Variants in UGT1A10 observed in about 807,000 individuals in gnomAD.
UGT1A10 encodes the protein UDP glucuronosyltransferase family 1 member A10, also known as UDP-glucuronosyltransferase 1A10.
UGT1A10 carries 49 observed loss-of-function variants against 45.8 expected under a neutral mutation model. The ratio of observed to expected loss-of-function variants is 1.07; its 90% CI spans 0.85 to 1.36. UGT1A10 has a LOEUF of 1.36. Ranked by LOEUF, UGT1A10 falls within the 40% of genes most tolerant of loss-of-function variation. The pLI, the probability that UGT1A10 is intolerant of heterozygous loss-of-function variation, is 0.00. For synonymous variants in UGT1A10, 284 were observed against 249.7 expected (o/e 1.14, Z -1.29); for missense variants, 745 against 668.6 (o/e 1.11, Z -1.26).
chr2:233,672,109 A>C (rs199829358), intron 1 of UGT1A10: 199 of 1,614,054 alleles, frequency 1.2e-4, no homozygotes, highest in South Asian at 1.6e-4. Flanking sequence ...GGTTGTAGTC[A>C]TGCCAGAGGT....
rs760019185 is a variant in UGT1A10, at chr2:233,760,846, C to T, written c.856-6188C>T. 1 of 1,613,970 alleles carries T rather than the reference C, an allele frequency of 6.2e-7. No individual in the cohort carries two copies. Among genetic ancestry groups the T allele is most frequent in the Non-Finnish European group, 8.5e-7 (1 of 1,179,912 alleles). On this transcript the variant is annotated intron_variant, in intron 1 of 4. Coordinates refer to ENST00000344644, the MANE Select transcript of UGT1A10 (RefSeq NM_019075.4). ...CCTGGAATTTGAGGCTACCCAGTGC[C>T]CCAACCCATTCTCCTACGTGCCCAG... is the stretch of plus-strand genomic sequence containing the variant.
At chr2:233,758,509 A>G (rs1575759497) in intron 1 of UGT1A10, among the ~76,000 whole-genome samples, 1 of 152,232 alleles carries the variant, frequency 6.6e-6, no homozygotes, top group Non-Finnish European at 1.5e-5. Context: ...TAATAAGGAC[A>G]CAACAAAGAG....
At chr2:233,656,108 T>C (rs1242682691) in intron 1 of UGT1A10, among the ~76,000 whole-genome samples, 1 of 152,086 alleles carries the variant, frequency 6.6e-6, no homozygotes, top group African/African-American at 2.4e-5. Context: ...ACATACATAT[T>C]CACCAGGTTA....
chr2:233,735,668 T>C (rs552280878), intron 1 of UGT1A10, among the ~76,000 whole-genome samples: 4 of 152,360 alleles, frequency 2.6e-5, no homozygotes, highest in African/African-American at 4.8e-5. Context: ...TTTCCATGTT[T>C]AGTGCTTCCT....
rs2076078557 is a variant in UGT1A10, at chr2:233,709,472, A to G, written c.856-57562A>G. ...TTTTAAAGCAATCATTTTGGGGCTT[A>G]TAAGTATTTAGTATTTGAAGTCTCT... is the stretch of plus-strand genomic sequence containing the variant. On this transcript the variant is annotated intron_variant, in intron 1 of 4. Coordinates refer to ENST00000344644, the MANE Select transcript of UGT1A10 (RefSeq NM_019075.4). Among the ~76,000 whole-genome samples the G allele has an allele frequency of 2.0e-5, 3 of 152,238 alleles. No homozygotes were observed. In the South Asian group the frequency reaches 6.2e-4, roughly 32 times the overall value.
intron 1 of UGT1A10, among the ~76,000 whole-genome samples, chr2:233,764,468 T>G (rs553812675): frequency 1.3e-5 from 2 of 152,324 alleles, no homozygotes; most frequent in Middle Eastern, 6.8e-3. Context: ...GATCTCCTGC[T>G]ATTTAACTTC....
At chr2:233,760,997 T>A in intron 1 of UGT1A10, 2 of 1,614,168 alleles carry the variant, frequency 1.2e-6, no homozygotes, top group South Asian at 2.2e-5. Flanking sequence ...GCCTCAGAAT[T>A]CCTTCAGAGA....
chr2:233,713,711 G>T (rs1407251042), intron 1 of UGT1A10: 1 of 1,613,928 alleles, frequency 6.2e-7, no homozygotes, highest in East Asian at 2.2e-5. Context: ...AGCTTTTTCA[G>T]AGAGAGGTGT....
intron 1 of UGT1A10, among the ~76,000 whole-genome samples, chr2:233,745,740 G>A (rs1693195294): frequency 6.6e-6 from 1 of 150,538 alleles, no homozygotes; most frequent in Admixed American, 6.6e-5. Context: ...GGCAGAGGGA[G>A]GGGGCAAGCA....
At chr2:233,707,423 CT>C (rs1175644218) in intron 1 of UGT1A10, among the ~76,000 whole-genome samples, 1 of 151,946 alleles carries the variant, frequency 6.6e-6, no homozygotes, top group Non-Finnish European at 1.5e-5. Flanking sequence ...TCGACTATTT[CT>C]TTGCTTTTCT....
At chr2:233,760,370 G>A in intron 1 of UGT1A10, 1 of 1,614,148 alleles carries the variant, frequency 6.2e-7, no homozygotes, top group Non-Finnish European at 8.5e-7. Context: ...TCCCATGCTG[G>A]GAAGATACTG....
Position 233,636,953 on chromosome 2 carries a change from C to G in UGT1A10, c.431C>G (p.Ala144Gly). 1 of 1,614,016 alleles carries G rather than the reference C, an allele frequency of 6.2e-7. No individual in the cohort carries two copies. The change falls in exon 1 of 5, where the codon GCA (alanine) becomes GGA (glycine). Residue 144 changes from alanine to glycine, a missense_variant. By Grantham distance (60) the Ala-to-Gly change is moderately conservative. Coordinates refer to ENST00000344644, the MANE Select transcript of UGT1A10 (RefSeq NM_019075.4). ...VEYLKESSFD[A>G]VFLDPFDTCG... ...TACTTAAAGGAGAGTTCTTTTGATG[C>G]AGTGTTTCTGGATCCTTTTGATACC...
intron 1 of UGT1A10, among the ~76,000 whole-genome samples, chr2:233,665,350 C>T (rs1317770119): frequency 6.6e-6 from 1 of 152,206 alleles, no homozygotes; most frequent in African/African-American, 2.4e-5. Flanking sequence ...ACTTTCTTTA[C>T]ATTACTATAT....
intron 1 of UGT1A10, chr2:233,713,072 G>C (rs2076275928): frequency 6.2e-7 from 1 of 1,614,210 alleles, no homozygotes; most frequent in Non-Finnish European, 8.5e-7. Flanking sequence ...CCTGGGCTGA[G>C]AGTGGGAAGG....
At chr2:233,658,925 G>C (rs2073910412) in intron 1 of UGT1A10, among the ~76,000 whole-genome samples, 1 of 151,996 alleles carries the variant, frequency 6.6e-6, no homozygotes. Context: ...TGCTATTGTA[G>C]GTTTTCTACA....
At chr2:233,729,873 C>T (rs758100575) in intron 1 of UGT1A10, 1 of 1,613,864 alleles carries the variant, frequency 6.2e-7, no homozygotes, top group Non-Finnish European at 8.5e-7. Context: ...TGGATATTCT[C>T]AGTCATGCAT....
chr2:233,760,321 G>A, intron 1 of UGT1A10: 1 of 1,614,014 alleles, frequency 6.2e-7, no homozygotes, highest in Non-Finnish European at 8.5e-7. Context: ...ACGCCCACTT[G>A]TCCTGGGCCT....
At chr2:233,761,197 G>C in intron 1 of UGT1A10, 1 of 1,614,114 alleles carries the variant, frequency 6.2e-7, no homozygotes, top group Non-Finnish European at 8.5e-7. Context: ...TCTTTCAGAT[G>C]TATTACTTTG....
chr2:233,747,460 C>T, intron 1 of UGT1A10: 1 of 1,608,790 alleles, frequency 6.2e-7, no homozygotes, highest in Non-Finnish European at 8.5e-7. Context: ...TATGCCATTT[C>T]ATGGACCCAG....
Sources: gnomAD v4.1 joint callset for allele counts (sites outside exome capture counted in the v4.1 genomes callset) on GRCh38, gnomAD v4.1.1 for gene constraint, MANE v1.5 for transcripts, NCBI Gene and HGNC (gene_info 2026-07-23, HGNC 2026-07-21) for gene names.